The following EYA4 variants were observed in gnomAD, a reference collection of about 807,000 sequenced individuals.
EYA4 encodes protein phosphatase EYA4.
Under a neutral mutation model 87.9 loss-of-function variants are expected in EYA4, and 31 were observed. The ratio of observed to expected loss-of-function variants is 0.35; its 90% CI spans 0.27 to 0.48. The LOEUF is 0.48. EYA4 is among the 20% of genes least tolerant of loss of function. The pLI is 0.99. For missense variants in EYA4, 678 were observed against 761.4 expected, an observed-to-expected ratio of 0.89 and a Z score of 1.29; for synonymous variants, 263 against 270.6, an observed-to-expected ratio of 0.97 and a Z score of 0.28.
At chr6:133,334,040 A>G (rs971710562) in intron 2 of EYA4, among the ~76,000 whole-genome samples, 2 of 152,140 alleles carry the variant, frequency 1.3e-5, no homozygotes, top group African/African-American at 4.8e-5. Context: ...TTGACCACTT[A>G]GTGTAATTAA....
At chr6:133,349,060 T>C (rs1783433721) in intron 2 of EYA4, among the ~76,000 whole-genome samples, 1 of 152,200 alleles carries the variant, frequency 6.6e-6, no homozygotes, top group East Asian at 1.9e-4. Flanking sequence ...ATGTGGTCTT[T>C]GAATGTGCCA....
At chr6:133,270,750 G>A (rs1776623221) in intron 1 of EYA4, among the ~76,000 whole-genome samples, 1 of 152,028 alleles carries the variant, frequency 6.6e-6, no homozygotes, top group African/African-American at 2.4e-5. Context: ...ATAGGGCGTG[G>A]TAATACTAAG....
intron 2 of EYA4, among the ~76,000 whole-genome samples, chr6:133,315,582 G>A (rs755571546): frequency 3.9e-5 from 6 of 152,052 alleles, no homozygotes; most frequent in Admixed American, 2.0e-4. Flanking sequence ...CAAGAAACGC[G>A]CCACTGATAG....
intron 2 of EYA4, among the ~76,000 whole-genome samples, chr6:133,313,880 T>A (rs1396026878): frequency 2.1e-5 from 3 of 140,472 alleles, no homozygotes; most frequent in Admixed American, 2.1e-4. Flanking sequence ...TCCATGAGGA[T>A]CTTTCTGATG....
At chr6:133,355,883 C>T (rs1783980204) in intron 2 of EYA4, among the ~76,000 whole-genome samples, 1 of 152,070 alleles carries the variant, frequency 6.6e-6, no homozygotes, top group Non-Finnish European at 1.5e-5. Context: ...TCTCAGGCTG[C>T]CGTTACAAAA....
chr6:133,432,518 T>A (rs3777856), intron 3 of EYA4, among the ~76,000 whole-genome samples: 4,789 of 150,924 alleles, frequency 0.032, 259 homozygotes, highest in East Asian at 0.23. Context: ...GAGACTATCA[T>A]GTTATAGTAT....
intron 1 of EYA4, among the ~76,000 whole-genome samples, chr6:133,261,761 A>G (rs1293781286): frequency 1.3e-5 from 2 of 152,224 alleles, no homozygotes; most frequent in Non-Finnish European, 2.9e-5. Context: ...GAATGTTAAA[A>G]TGTTTTAATT....
At chr6:133,382,054 GT>G (rs1786271790) in intron 2 of EYA4, among the ~76,000 whole-genome samples, 2 of 152,172 alleles carry the variant, frequency 1.3e-5, no homozygotes, top group Admixed American at 1.3e-4. Context: ...AGCAGTATCA[GT>G]TGGAAAAACA....
chr6:133,332,431 A>C (rs1562298590), intron 2 of EYA4, among the ~76,000 whole-genome samples: 1 of 152,094 alleles, frequency 6.6e-6, no homozygotes, highest in Non-Finnish European at 1.5e-5. Flanking sequence ...TCCTTTTCCC[A>C]GTTTCTGTCA....
At chr6:133,460,143 T>C (rs1421250694) in intron 6 of EYA4, among the ~76,000 whole-genome samples, 1 of 152,138 alleles carries the variant, frequency 6.6e-6, no homozygotes, top group Non-Finnish European at 1.5e-5. Context: ...AAGGACATAG[T>C]ACTTTGAAGT....
chr6:133,280,574 T>G (rs1281115025), intron 2 of EYA4, among the ~76,000 whole-genome samples: 1 of 151,984 alleles, frequency 6.6e-6, no homozygotes, highest in East Asian at 1.9e-4. Context: ...TTTTTTGTAT[T>G]TTTAGTAGAG....
At chr6:133,509,468 A>T (rs899287558) in intron 14 of EYA4, among the ~76,000 whole-genome samples, 1 of 152,090 alleles carries the variant, frequency 6.6e-6, no homozygotes, top group African/African-American at 2.4e-5. Context: ...TGCAACATAT[A>T]TAGTAGCAGC....
At chr6:133,430,981 A>T (rs1583258022) in intron 3 of EYA4, among the ~76,000 whole-genome samples, 1 of 152,196 alleles carries the variant, frequency 6.6e-6, no homozygotes, top group Admixed American at 6.5e-5. Context: ...TGAACAGGGG[A>T]TGTTTGAGCT....
intron 6 of EYA4, among the ~76,000 whole-genome samples, chr6:133,459,546 C>T (rs369770392): frequency 8.6e-5 from 13 of 152,000 alleles, no homozygotes; most frequent in East Asian, 5.8e-4. Context: ...AAAGAAGAGA[C>T]GAAAGAATAT....
chr6:133,385,384 GCTCT>G (rs201154475), intron 3 of EYA4, among the ~76,000 whole-genome samples: 4 of 89,772 alleles, frequency 4.5e-5, no homozygotes, highest in African/African-American at 1.3e-4. Context: ...GTGTATGTAT[GCTCT>G]CTCTGTGTGT....
intron 3 of EYA4, among the ~76,000 whole-genome samples, chr6:133,384,749 A>G (rs1583131181): frequency 6.6e-6 from 1 of 152,184 alleles, no homozygotes; most frequent in Non-Finnish European, 1.5e-5. Flanking sequence ...TAGGCCTGAG[A>G]GTGCCAGAAC....
intron 14 of EYA4, among the ~76,000 whole-genome samples, chr6:133,512,009 G>A (rs894331301): frequency 2.0e-5 from 3 of 151,942 alleles, no homozygotes; most frequent in Middle Eastern, 3.4e-3. Flanking sequence ...TCAATTGTGT[G>A]GGTATACTTA....
rs573711944 is a variant in EYA4 at position 133,291,844 on chromosome 6, G to T, written c.33+17031G>T. Among the ~76,000 whole-genome samples, 3 of 152,110 alleles carry T rather than the reference G, an allele frequency of 2.0e-5. No individual in the cohort carries two copies. In the South Asian group the frequency reaches 6.2e-4, roughly 32 times the overall value. ...TTATCCACATTGATTCATGTTTGGG[G>T]TGATTGTTTCCATCCTCACTGTGAG... On this transcript the variant is annotated intron_variant, in intron 2 of 19. Transcript: ENST00000355286.
chr6:133,289,676 T>C (rs947835207), intron 2 of EYA4, among the ~76,000 whole-genome samples: 2 of 152,172 alleles, frequency 1.3e-5, no homozygotes, highest in Admixed American at 6.5e-5. Context: ...TTCATAAATA[T>C]GATTGGGTCA....
Sources: gnomAD v4.1 joint callset for allele counts (sites outside exome capture counted in the v4.1 genomes callset) on GRCh38, gnomAD v4.1.1 for gene constraint, MANE v1.5 for transcripts, NCBI Gene and HGNC (gene_info 2026-07-23, HGNC 2026-07-21) for gene names.